Variants in NDUFAF6 observed in about 807,000 individuals in gnomAD.
NDUFAF6 encodes NADH dehydrogenase (ubiquinone) complex I, assembly factor 6.
A neutral mutation model predicts 40.8 loss-of-function variants in NDUFAF6; 45 were observed. The observed-to-expected ratio is 1.10, with a 90% CI of 0.87 to 1.42. NDUFAF6 has a LOEUF of 1.42. NDUFAF6 is among the 40% of genes most tolerant of loss of function. NDUFAF6 has a pLI of 0.00. For missense variants in NDUFAF6, 435 were observed against 418.5 expected (o/e 1.04, Z -0.34); for synonymous variants, 185 against 155.9 (o/e 1.19, Z -1.39).
intron 1 of NDUFAF6, among the ~76,000 whole-genome samples, chr8:94,903,135 G>A (rs979245721): frequency 6.6e-6 from 1 of 152,110 alleles, no homozygotes; most frequent in Admixed American, 6.5e-5. Flanking sequence ...TTTGGGAGGT[G>A]GAAACAGGAG....
rs553161742 is a variant in NDUFAF6 at position 95,053,436 on chromosome 8, G to A, written c.873+1206G>A. 4.6e-5 allele frequency among the ~76,000 whole-genome samples: 7 copies of A among 152,112 alleles called. No homozygotes were observed. The East Asian group carries it at 9.7e-4, about 21-fold the overall frequency. On this transcript the variant is annotated intron_variant, in intron 8 of 8. Coordinates refer to ENST00000396124, the MANE Select transcript of NDUFAF6 (RefSeq NM_152416.4). Reference sequence around the variant, plus strand: ...TAACATACTAAGTAAGCTTCGTAAAGGTTAAGGACTTTGTTTTATTAACTT... The same window carrying A: ...TAACATACTAAGTAAGCTTCGTAAAAGTTAAGGACTTTGTTTTATTAACTT...
downstream of NDUFAF6, among the ~76,000 whole-genome samples, chr8:95,059,071 C>G (rs1203935414): frequency 1.3e-5 from 2 of 152,094 alleles, no homozygotes; most frequent in Admixed American, 1.3e-4. Flanking sequence ...TAATATAAAA[C>G]TTTTAGAAAA....
chr8:95,102,062 A>G (rs141466029), intron 2 of NDUFAF6, among the ~76,000 whole-genome samples: 63 of 152,124 alleles, frequency 4.1e-4, no homozygotes, highest in Middle Eastern at 6.8e-3. Context: ...CAATGGCATG[A>G]TCTCGGCTCA....
intron 1 of NDUFAF6, among the ~76,000 whole-genome samples, chr8:94,905,393 A>G (rs1017736597): frequency 5.3e-5 from 8 of 150,922 alleles, no homozygotes; most frequent in Non-Finnish European, 1.0e-4. Flanking sequence ...GAGTCCTGTG[A>G]TGTGAGAGGG....
At chr8:95,108,295 A>T (rs1344026352), downstream of NDUFAF6, among the ~76,000 whole-genome samples, 1 of 152,210 alleles carries the variant, frequency 6.6e-6, no homozygotes, top group East Asian at 1.9e-4. Flanking sequence ...AATGTTTTGG[A>T]AACAACCCAA....
intron 1 of NDUFAF6, among the ~76,000 whole-genome samples, chr8:94,976,937 G>A (rs1443344704): frequency 6.6e-6 from 1 of 152,002 alleles, no homozygotes; most frequent in Non-Finnish European, 1.5e-5. Context: ...GATCGCTTGA[G>A]TCCAAGAGTT....
chr8:95,005,532 T>TATATATTTAA lies in NDUFAF6; in HGVS notation c.-84+24565_-84+24566insTTAAATATAT, dbSNP rs1389105271. Among the ~76,000 whole-genome samples, 15 of 125,868 alleles carry TATATATTTAA rather than the reference T, an allele frequency of 1.2e-4. 1 individual carries two copies. The highest frequency in any genetic ancestry group is 3.9e-4 in the African/African-American group (13 of 33,406). 82.6% of individuals were successfully genotyped at this position (125,868 alleles called of 152,430 possible). A position where few individuals can be genotyped will look rare whatever the true frequency, so the allele number is the denominator to read the frequency against. On this transcript the variant is annotated intron_variant, in intron 2 of 9. Transcript: ENST00000396111. The stretch of plus-strand genomic sequence containing the variant: ...GGGAGGACTGGTCCTTTTAAATATA[T>TATATATTTAA]ATATATATATATATATATATAAAAA...
upstream of NDUFAF6, among the ~76,000 whole-genome samples, chr8:95,095,699 CTG>C (rs1809438557): frequency 1.3e-5 from 2 of 150,974 alleles, no homozygotes; most frequent in African/African-American, 4.9e-5. Flanking sequence ...AATTCTCACT[CTG>C]TCTCCCAGTC....
chr8:95,078,857 T>C (rs1006262488), downstream of NDUFAF6, among the ~76,000 whole-genome samples: 8 of 152,224 alleles, frequency 5.3e-5, no homozygotes, highest in South Asian at 1.7e-3. Context: ...AGTTCAGATT[T>C]GTCCATGTTT....
intron 8 of NDUFAF6, 103 bp downstream of exon 8, chr8:95,052,333 C>G (rs1182940202): frequency 7.7e-7 from 1 of 1,305,058 alleles, no homozygotes; most frequent in East Asian, 2.3e-5. Context: ...AGTTCGGAGC[C>G]TTTGTTTTTG....
intron 2 of NDUFAF6, among the ~76,000 whole-genome samples, chr8:94,981,590 A>AT (rs1034633830): frequency 3.3e-5 from 5 of 152,126 alleles, no homozygotes; most frequent in African/African-American, 9.7e-5. Flanking sequence ...TTGCCCTTAG[A>AT]TTTTTTTAGT....
At chr8:94,922,294 A>G (rs117921415) in intron 1 of NDUFAF6, among the ~76,000 whole-genome samples, 2,169 of 150,636 alleles carry the variant, frequency 0.014, 23 homozygotes, top group Middle Eastern at 0.021. Flanking sequence ...ACAGGCATGA[A>G]CCACCGAGTC....
chr8:94,976,909 G>A (rs1824996578), intron 1 of NDUFAF6, among the ~76,000 whole-genome samples: 1 of 152,120 alleles, frequency 6.6e-6, no homozygotes, highest in Non-Finnish European at 1.5e-5. Context: ...TCAGCACTTT[G>A]GGAAGCCCAG....
intron 2 of NDUFAF6, among the ~76,000 whole-genome samples, chr8:95,012,072 T>G (rs554704035): frequency 2.6e-5 from 4 of 152,354 alleles, no homozygotes; most frequent in African/African-American, 9.6e-5. Context: ...CTCAAAAGTA[T>G]GAGTTTCTGA....
chr8:94,904,335 T>C (rs1172628980), intron 1 of NDUFAF6, among the ~76,000 whole-genome samples: 6 of 74,834 alleles, frequency 8.0e-5, no homozygotes, highest in Non-Finnish European at 1.7e-4. Flanking sequence ...TTTTTTTTTT[T>C]TTTTTTTTTT....
chr8:95,018,200 T>G (rs1388260826), intron 2 of NDUFAF6, among the ~76,000 whole-genome samples: 1 of 74,454 alleles, frequency 1.3e-5, no homozygotes, highest in Admixed American at 1.9e-4. Context: ...CCACCATGCT[T>G]GGCTATTTTT....
At chr8:94,907,420 C>T (rs1818461833) in intron 1 of NDUFAF6, among the ~76,000 whole-genome samples, 1 of 152,154 alleles carries the variant, frequency 6.6e-6, no homozygotes, top group Non-Finnish European at 1.5e-5. Context: ...AGTCCTCGTG[C>T]TGTGTGAGAC....
intron 2 of NDUFAF6, among the ~76,000 whole-genome samples, chr8:94,995,159 T>C (rs1478275052): frequency 6.6e-6 from 1 of 152,190 alleles, no homozygotes; most frequent in Non-Finnish European, 1.5e-5. Context: ...GGAGAACCTG[T>C]CACATGCTAC....
rs995458776 is a variant in NDUFAF6, at chr8:95,048,695, C to T, written c.816+137C>T. The stretch of plus-strand genomic sequence containing the variant: ...CATTGATTTCCCAGTAGATTTATCT[C>T]GGAGTCTGTTGTAAACTTTTTTCAC... On this transcript the variant is annotated intron_variant, in intron 7 of 8. Transcript: ENST00000396124. 321 of 731,306 alleles carry T rather than the reference C, an allele frequency of 4.4e-4. 2 individuals are homozygous for T. The highest frequency in any genetic ancestry group is 1.5e-4 in the Admixed American group (7 of 45,900). 45.3% of individuals were successfully genotyped at this position (731,306 alleles called of 1,614,324 possible). A position where few individuals can be genotyped will look rare whatever the true frequency, so the allele number is the denominator to read the frequency against.
Sources: gnomAD v4.1 joint callset for allele counts (sites outside exome capture counted in the v4.1 genomes callset) on GRCh38, gnomAD v4.1.1 for gene constraint, MANE v1.5 for transcripts, NCBI Gene and HGNC (gene_info 2026-07-23, HGNC 2026-07-21) for gene names.